DCDC1: variants seen among roughly 807,000 people sequenced by gnomAD.
The protein encoded by DCDC1 is doublecortin domain-containing protein 1.
A neutral mutation model predicts 178.3 loss-of-function variants in DCDC1; 200 were observed. The ratio of observed to expected loss-of-function variants is 1.12; its 90% CI spans 1.00 to 1.26. DCDC1 has a LOEUF of 1.26. Ranked by LOEUF, DCDC1 falls within the 50% of genes most tolerant of loss-of-function variation. The probability of loss-of-function intolerance (pLI) is 0.00; values close to 1 mark genes in which losing one functional copy is unlikely to be tolerated. For missense variants in DCDC1, 1,983 were observed against 1,749.2 expected, an observed-to-expected ratio of 1.13 and a Z score of -2.38; for synonymous variants, 690 against 604.8, an observed-to-expected ratio of 1.14 and a Z score of -2.07.
intron 2 of DCDC1, among the ~76,000 whole-genome samples, chr11:31,332,212 G>T (rs1175822558): frequency 6.6e-6 from 1 of 152,134 alleles, no homozygotes; most frequent in Admixed American, 6.6e-5. Context: ...ATTTCTGTGG[G>T]ATTAGTGGTG....
At chr11:30,873,364 T>TAGAGAGAGAGAGAG (rs3076153) in intron 38 of DCDC1, among the ~76,000 whole-genome samples, 26 of 137,078 alleles carry the variant, frequency 1.9e-4, no homozygotes, top group African/African-American at 6.9e-4. Context: ...TATATATATA[T>TAGAGAGAGAGAGAG]AGAGAGAGAG....
intron 21 of DCDC1, among the ~76,000 whole-genome samples, chr11:30,932,440 A>G (rs1451167706): frequency 6.6e-6 from 1 of 152,202 alleles, no homozygotes; most frequent in African/African-American, 2.4e-5. Context: ...GAATTCAGTT[A>G]CTTTTTAATT....
At position 31,319,555 on chromosome 11, in the gene DCDC1, C is replaced by T. The variant is rs1339979217; in HGVS notation, c.164+8562G>A. On this transcript the variant is annotated intron_variant, in intron 3 of 38. Coordinates refer to ENST00000684477, the MANE Select transcript of DCDC1 (RefSeq NM_001387274.1). ...TTTTGAGCCTATGTGTGCCTCTGCA[C>T]GTGAGATGGGTTTCCTGAATACAGC... Among the ~76,000 whole-genome samples the T allele has an allele frequency of 5.8e-5, 3 of 51,288 alleles. 1 individual carries two copies. Among genetic ancestry groups the T allele is most frequent in the East Asian group, 3.1e-4 (1 of 3,244 alleles). 33.6% of individuals were successfully genotyped at this position (51,288 alleles called of 152,430 possible).
At chr11:31,106,982 A>G (rs766028097) in intron 12 of DCDC1, 22 bp from the exon 13 acceptor site, 1 of 742,698 alleles carries the variant, frequency 1.3e-6, no homozygotes, top group Non-Finnish European at 2.4e-6. Context: ...TTAGAGGGGC[A>G]GAGGGGATAG....
At chr11:31,184,512 T>C (rs189075058) in intron 9 of DCDC1, among the ~76,000 whole-genome samples, 4 of 152,094 alleles carry the variant, frequency 2.6e-5, no homozygotes, top group Admixed American at 2.6e-4. Flanking sequence ...ACCCACAGAA[T>C]GGAAGAAAAG....
intron 20 of DCDC1, among the ~76,000 whole-genome samples, chr11:30,961,057 C>A (rs1276882925): frequency 6.6e-6 from 1 of 152,040 alleles, no homozygotes; most frequent in East Asian, 1.9e-4. Context: ...ATATCAATTT[C>A]AGAATGATTA....
rs550364554 is a variant in DCDC1, at chr11:31,290,721, G to A, written c.886C>T (p.Arg296Ter). The A allele has an allele frequency of 3.2e-5, 51 of 1,613,298 alleles. No homozygotes were observed. The highest frequency in any genetic ancestry group is 3.0e-4 in the South Asian group (27 of 91,038). The change falls in exon 7 of 39, where the codon CGA (arginine) becomes TGA (stop). Residue 296 changes from arginine (R) to a stop codon, truncating the protein, a stop_gained. Coordinates refer to ENST00000684477, the MANE Select transcript of DCDC1 (RefSeq NM_001387274.1). LOFTEE classifies it high-confidence loss of function. ...ATGCCATTCTTAAAGAACAGAATTC[G>A]GACTGAGGTCCTCTCAGTAAGTTTC... ...MKKLTERTSV[R>*]ILFFKNGMGQ...
At chr11:31,133,564 C>A (rs1184921424) in intron 10 of DCDC1, among the ~76,000 whole-genome samples, 1 of 152,198 alleles carries the variant, frequency 6.6e-6, no homozygotes, top group African/African-American at 2.4e-5. Context: ...TTGGAAAAAA[C>A]ATGGGAGCCT....
intron 1 of DCDC1, among the ~76,000 whole-genome samples, chr11:31,338,863 A>T (rs1282855324): frequency 6.6e-6 from 1 of 152,206 alleles, no homozygotes; most frequent in Non-Finnish European, 1.5e-5. Flanking sequence ...CCAGACTTTT[A>T]TATGAGTAAG....
chr11:31,356,034 C>G (rs1951334628), intron 1 of DCDC1, among the ~76,000 whole-genome samples: 1 of 152,106 alleles, frequency 6.6e-6, no homozygotes, highest in African/African-American at 2.4e-5. Context: ...TCAGCTCTCT[C>G]AAAACAAGTG....
chr11:31,265,522 C>T lies in DCDC1; in HGVS notation c.1039G>A (p.Glu347Lys). 1 of 1,425,172 alleles carries T rather than the reference C, an allele frequency of 7.0e-7. No individual in the cohort carries two copies. The highest frequency in any genetic ancestry group is 9.3e-7 in the Non-Finnish European group (1 of 1,079,046). The allele number at this position is 1,425,172 out of a possible 1,614,324, so 88.3% of individuals were successfully genotyped here. A position where few individuals can be genotyped will look rare whatever the true frequency, so the allele number is the denominator to read the frequency against. Residue 347 changes from glutamate (E) to lysine (K), a missense_variant, in exon 8 of 39, where the codon GAA becomes AAA. By Grantham distance (56) the Glu-to-Lys change is moderately conservative (BLOSUM62 1). Transcript: ENST00000684477. Reference sequence around the variant, plus strand: ...TGCCACTTACCTTTTGAAATATCTTCAATTTTTCTGCCATACAAATCATAA... The same window carrying T: ...TGCCACTTACCTTTTGAAATATCTTTAATTTTTCTGCCATACAAATCATAA... ...YFYDLYGRKI[E>K]DISKVPLLEK...
Position 31,164,129 on chromosome 11 carries a change from T to C in DCDC1, c.1222-26345A>G, listed in dbSNP as rs554021456. Among the ~76,000 whole-genome samples the C allele has an allele frequency of 1.1e-3, 163 of 152,228 alleles. 3 individuals carry two copies. Among genetic ancestry groups the C allele is most frequent in the Non-Finnish European group, 3.4e-4 (23 of 68,022 alleles). ...ATGAGAAAGGGCAAAGGACAAATCA[T>C]CAAATCCTATAAATATGATTTGAGG... On this transcript the variant is annotated intron_variant, in intron 9 of 38. Coordinates refer to ENST00000684477, the MANE Select transcript of DCDC1 (RefSeq NM_001387274.1).
intron 9 of DCDC1, among the ~76,000 whole-genome samples, chr11:31,197,381 TAATC>T (rs1970814468): frequency 6.6e-6 from 1 of 152,130 alleles, no homozygotes; most frequent in South Asian, 2.1e-4. Flanking sequence ...AAATACCTGT[TAATC>T]AGTATAGCAA....
chr11:30,992,547 C>T (rs1189253690), intron 20 of DCDC1: 1 of 152,158 alleles, frequency 6.6e-6, no homozygotes, highest in Non-Finnish European at 1.5e-5. Flanking sequence ...CAAGTATTAC[C>T]CCGTTATAGC....
chr11:30,927,245 C>G (rs1946644375), intron 22 of DCDC1, among the ~76,000 whole-genome samples: 1 of 151,780 alleles, frequency 6.6e-6, no homozygotes, highest in African/African-American at 2.4e-5. Flanking sequence ...TGTAATGATC[C>G]CTTGATTATT....
chr11:30,951,359 C>G (rs1948408921), intron 21 of DCDC1, among the ~76,000 whole-genome samples: 1 of 151,994 alleles, frequency 6.6e-6, no homozygotes, highest in African/African-American at 2.4e-5. Flanking sequence ...TGTGAAAATA[C>G]CTTACATGAA....
chr11:31,208,350 A>G (rs141567548), intron 9 of DCDC1, among the ~76,000 whole-genome samples: 2 of 152,230 alleles, frequency 1.3e-5, no homozygotes, highest in Non-Finnish European at 2.9e-5. Context: ...CTCACACACA[A>G]TATCCAATCC....
At chr11:30,981,958 AG>A (rs1177466621) in intron 20 of DCDC1, among the ~76,000 whole-genome samples, 2 of 152,304 alleles carry the variant, frequency 1.3e-5, no homozygotes, top group Middle Eastern at 6.8e-3. Context: ...CTGTGAAAAA[AG>A]GCTTTCAACC....
At position 30,875,858 on chromosome 11, in the gene DCDC1, TTACAAAGCTG is replaced by T. The variant is rs578196597; in HGVS notation, c.*40+2676_*40+2685del. Reference sequence around the variant, plus strand: ...TGAATCATTACTAATATATCCTGTTTTACAAAGCTGACATAAGCATCCAGATAAAATGCTT... The same window carrying T: ...TGAATCATTACTAATATATCCTGTTTACATAAGCATCCAGATAAAATGCTT... On this transcript the variant is annotated intron_variant, in intron 38 of 38. Coordinates refer to ENST00000684477, the MANE Select transcript of DCDC1 (RefSeq NM_001387274.1). Among the ~76,000 whole-genome samples, 482 of 152,306 alleles carry T rather than the reference TTACAAAGCTG, an allele frequency of 3.2e-3. 1 individual carries two copies. Among genetic ancestry groups the T allele is most frequent in the Admixed American group, 6.2e-3 (94 of 15,284 alleles).
Sources: gnomAD v4.1 joint callset for allele counts (sites outside exome capture counted in the v4.1 genomes callset) on GRCh38, gnomAD v4.1.1 for gene constraint, MANE v1.5 for transcripts, NCBI Gene and HGNC (gene_info 2026-07-23, HGNC 2026-07-21) for gene names.